ZFYVE28: variants seen among roughly 807,000 people sequenced by gnomAD.
ZFYVE28 encodes the protein lateral signaling target protein 2 homolog.
ZFYVE28 carries 40 observed loss-of-function variants against 82.1 expected under a neutral mutation model. The ratio of observed to expected loss-of-function variants is 0.49; its 90% CI spans 0.38 to 0.63. The LOEUF (loss-of-function observed/expected upper bound fraction) is 0.63, where lower values mean the gene tolerates loss of function less well. ZFYVE28 is among the 30% of genes least tolerant of loss of function. ZFYVE28 has a pLI of 0.00. For synonymous variants in ZFYVE28, 612 were observed against 546.1 expected (o/e 1.12, Z -1.68); for missense variants, 1,321 against 1,242.1 (o/e 1.06, Z -0.96).
rs1411003454 is a variant in ZFYVE28, at chr4:2,332,030, G to T, written c.701+3675C>A. ...CGCCACTGGGAGCCCCTCAGAAGGGGACGGGAGCCTGGCCCGCAGCTCATG... is the reference window on the plus strand; with the variant it reads ...CGCCACTGGGAGCCCCTCAGAAGGGTACGGGAGCCTGGCCCGCAGCTCATG... On this transcript the variant is annotated intron_variant, in intron 6 of 12. Coordinates refer to ENST00000290974, the MANE Select transcript of ZFYVE28 (RefSeq NM_020972.3). The surrounding 1 kb of genome is among the most constrained non-coding windows in gnomAD (Gnocchi z 4.7). Among the ~76,000 whole-genome samples, 2 of 152,230 alleles carry T rather than the reference G, an allele frequency of 1.3e-5. No individual in the cohort carries two copies. Among genetic ancestry groups the T allele is most frequent in the African/African-American group, 4.8e-5 (2 of 41,460 alleles).
At position 2,332,440 on chromosome 4, in the gene ZFYVE28, G is replaced by A. The variant is rs555628299; in HGVS notation, c.701+3265C>T. Among the ~76,000 whole-genome samples the A allele has an allele frequency of 2.8e-4, 42 of 152,240 alleles. No homozygotes were observed. In the South Asian group the frequency reaches 7.5e-3, roughly 27 times the overall value. ...TCCCACCTCTGGGCCGGCTGCCCTG[G>A]GGAGCCTCTCCCTCACGCCTTCAGC... On this transcript the variant is annotated intron_variant, in intron 6 of 12. Coordinates refer to ENST00000290974, the MANE Select transcript of ZFYVE28 (RefSeq NM_020972.3). This position sits in a 1 kb window ranked among gnomAD's most constrained non-coding sequence, Gnocchi z 4.7.
chr4:2,400,019 C>T (rs976756880), intron 1 of ZFYVE28, among the ~76,000 whole-genome samples: 2 of 152,222 alleles, frequency 1.3e-5, no homozygotes, highest in Admixed American at 6.5e-5. Flanking sequence ...AGGGCGGGGA[C>T]AGCCCCACGG....
chr4:2,388,838 A>C (rs1420956454), intron 1 of ZFYVE28, among the ~76,000 whole-genome samples: 1 of 152,130 alleles, frequency 6.6e-6, no homozygotes, highest in Admixed American at 6.6e-5. Context: ...TGGGCTGGAG[A>C]GTCACCCTGG....
intron 1 of ZFYVE28, among the ~76,000 whole-genome samples, chr4:2,402,448 A>G (rs1235336506): frequency 6.6e-6 from 1 of 152,258 alleles, no homozygotes; most frequent in Non-Finnish European, 1.5e-5. Flanking sequence ...CTGATGGGTC[A>G]GCAAGAGCTG....
At chr4:2,321,081 C>T (rs1279925191) in intron 6 of ZFYVE28, among the ~76,000 whole-genome samples, 1 of 152,100 alleles carries the variant, frequency 6.6e-6, no homozygotes, top group Non-Finnish European at 1.5e-5. Context: ...TCTCTGGGTG[C>T]CTCCTCCTGG....
intron 2 of ZFYVE28, among the ~76,000 whole-genome samples, chr4:2,349,535 A>C (rs185516304): frequency 9.8e-4 from 149 of 152,308 alleles, no homozygotes; most frequent in Middle Eastern, 3.4e-3. Flanking sequence ...AAAATAAAAT[A>C]AATTAAAATG....
At chr4:2,308,683 G>GAAAGAGAAAGAAAGAAAGA (rs1553830775) in intron 7 of ZFYVE28, among the ~76,000 whole-genome samples, 2 of 81,510 alleles carry the variant, frequency 2.5e-5, no homozygotes, top group African/African-American at 5.0e-5. Flanking sequence ...GAAAGAGAAA[G>GAAAGAGAAAGAAAGAAAGA]AAAGAAAAGA....
At chr4:2,302,651 T>C (rs1203914021) in intron 8 of ZFYVE28, among the ~76,000 whole-genome samples, 1 of 152,254 alleles carries the variant, frequency 6.6e-6, no homozygotes, top group African/African-American at 2.4e-5. Context: ...GCTGAAGACC[T>C]GTGTCCACAC....
intron 1 of ZFYVE28, among the ~76,000 whole-genome samples, chr4:2,369,447 T>C (rs3135137): frequency 0.67 from 101,414 of 152,016 alleles, 34,171 homozygotes; most frequent in East Asian, 0.8. Context: ...ACCTCAGACA[T>C]GGTTCCTACC....
intron 2 of ZFYVE28, among the ~76,000 whole-genome samples, chr4:2,350,336 C>T (rs376065131): frequency 1.6e-4 from 24 of 151,858 alleles, no homozygotes; most frequent in African/African-American, 2.2e-4. Flanking sequence ...AGGTGGCGGG[C>T]GCCTGTAGTC....
intron 1 of ZFYVE28, among the ~76,000 whole-genome samples, chr4:2,385,330 C>T (rs1310023074): frequency 6.6e-6 from 1 of 151,832 alleles, no homozygotes; most frequent in Non-Finnish European, 1.5e-5. Context: ...GAAGCAGGCC[C>T]CAGCGCTGAG....
intron 8 of ZFYVE28, 22 bp from the exon 9 acceptor site, chr4:2,274,238 G>T: frequency 6.2e-7 from 1 of 1,605,606 alleles, no homozygotes; most frequent in Non-Finnish European, 8.5e-7. Flanking sequence ...AGGAGATACC[G>T]GTGTGTGGGG....
chr4:2,352,335 T>G (rs1471857335), intron 2 of ZFYVE28, among the ~76,000 whole-genome samples: 3 of 144,358 alleles, frequency 2.1e-5, no homozygotes, highest in Non-Finnish European at 3.0e-5. Flanking sequence ...TGTCGGGGGG[T>G]GGACAGGAAG....
intron 1 of ZFYVE28, among the ~76,000 whole-genome samples, chr4:2,385,502 G>A (rs7691845): frequency 0.037 from 5,626 of 152,276 alleles, 313 homozygotes; most frequent in African/African-American, 0.12. Flanking sequence ...TGTCAGCTGG[G>A]ACCCTGAGCA....
At chr4:2,336,830 TGAG>T (rs1406423599) in intron 5 of ZFYVE28, among the ~76,000 whole-genome samples, 2 of 88,394 alleles carry the variant, frequency 2.3e-5, no homozygotes, top group African/African-American at 4.7e-5. Flanking sequence ...ATTGAGGAGG[TGAG>T]GAGTGAGGAG....
Position 2,416,056 on chromosome 4 carries a change from G to A in ZFYVE28, c.39+2229C>T, listed in dbSNP as rs901805982. 6.6e-6 allele frequency among the ~76,000 whole-genome samples: 1 copy of A among 152,192 alleles called. No homozygotes were observed. Among genetic ancestry groups the A allele is most frequent in the Non-Finnish European group, 1.5e-5 (1 of 68,042 alleles). On this transcript the variant is annotated intron_variant, in intron 1 of 12. Coordinates refer to ENST00000290974, the MANE Select transcript of ZFYVE28 (RefSeq NM_020972.3). The surrounding 1 kb of genome is among the most constrained non-coding windows in gnomAD (Gnocchi z 4.6). The stretch of plus-strand genomic sequence containing the variant: ...ATCAATCCTGTTCCATCCCTTCTCC[G>A]GAGGCACACAGCTCTGGGCTGATCC...
chr4:2,371,836 C>G lies in ZFYVE28; in HGVS notation c.40-17763G>C, dbSNP rs75640084. Among the ~76,000 whole-genome samples the G allele has an allele frequency of 2.0e-5, 3 of 152,372 alleles. No individual in the cohort carries two copies. In the East Asian group the frequency reaches 5.8e-4, roughly 29 times the overall value. ...GCGGGTTCAGTCCTAACCCAGCAAA[C>G]AGCTGGCAGCCCGCCCCCCACCCAG... On this transcript the variant is annotated intron_variant, in intron 1 of 12. Coordinates refer to ENST00000290974, the MANE Select transcript of ZFYVE28 (RefSeq NM_020972.3).
chr4:2,329,431 A>T (rs1333146711), intron 6 of ZFYVE28, among the ~76,000 whole-genome samples: 1 of 152,214 alleles, frequency 6.6e-6, no homozygotes, highest in African/African-American at 2.4e-5. Flanking sequence ...AATATTATTC[A>T]GCCTTAAAAA....
intron 8 of ZFYVE28, among the ~76,000 whole-genome samples, chr4:2,278,509 A>G (rs1736683850): frequency 6.6e-6 from 1 of 152,154 alleles, no homozygotes. Flanking sequence ...AAAAGAAAAC[A>G]TTGGAGTAAA....
Sources: gnomAD v4.1 joint callset for allele counts (sites outside exome capture counted in the v4.1 genomes callset) on GRCh38, gnomAD v4.1.1 for gene constraint, Gnocchi (gnomAD v3.1) non-coding constraint, MANE v1.5 for transcripts, NCBI Gene and HGNC (gene_info 2026-07-23, HGNC 2026-07-21) for gene names.